The following NCOA2 variants were observed in gnomAD, a reference collection of about 807,000 sequenced individuals.
The protein encoded by NCOA2 is nuclear receptor coactivator 2.
Under a neutral mutation model 145.1 loss-of-function variants are expected in NCOA2, and 21 were observed. The ratio of observed to expected loss-of-function variants is 0.14; its 90% confidence interval spans 0.10 to 0.21. NCOA2 has a LOEUF of 0.21. Ranked by LOEUF, NCOA2 falls within the 10% of genes least tolerant of loss-of-function variation. The pLI, the probability that NCOA2 is intolerant of heterozygous loss-of-function variation, is 1.00. For synonymous variants in NCOA2, 619 were observed against 637.5 expected (o/e 0.97, Z 0.44); for missense variants, 1,472 against 1,837.6 (o/e 0.80, Z 3.64).
chr8:70,162,248 C>T (rs924703262), intron 9 of NCOA2, among the ~76,000 whole-genome samples: 3 of 152,152 alleles, frequency 2.0e-5, no homozygotes, highest in South Asian at 2.1e-4. Context: ...TGAGACAAGT[C>T]GTGTCAACTT....
intron 22 of NCOA2, among the ~76,000 whole-genome samples, chr8:70,114,907 C>A (rs1332701340): frequency 1.3e-5 from 2 of 152,140 alleles, no homozygotes; most frequent in Non-Finnish European, 2.9e-5. Context: ...ATTACATTAG[C>A]CCCTGATCAG....
chr8:70,168,934 C>G (rs1384550583), intron 6 of NCOA2, among the ~76,000 whole-genome samples: 2 of 152,246 alleles, frequency 1.3e-5, no homozygotes, highest in South Asian at 2.1e-4. Context: ...CATTTTGTAT[C>G]ACTGTTATAG....
chr8:70,160,696 A>AGAGAGAGAGG (rs1331894915), intron 9 of NCOA2, among the ~76,000 whole-genome samples: 28 of 138,444 alleles, frequency 2.0e-4, no homozygotes, highest in Middle Eastern at 8.4e-3. Flanking sequence ...AGAGAGAGAG[A>AGAGAGAGAGG]GAGAGACTGA....
chr8:70,178,680 A>G (rs916448158), intron 4 of NCOA2, among the ~76,000 whole-genome samples: 4 of 152,240 alleles, frequency 2.6e-5, no homozygotes, highest in Non-Finnish European at 5.9e-5. Flanking sequence ...ACATAGGGCT[A>G]AACAGCAAGC....
the NCOA2 span, among the ~76,000 whole-genome samples, chr8:70,425,219 A>G: frequency 2.0e-5 from 3 of 152,222 alleles, no homozygotes; most frequent in East Asian, 1.9e-4. Context: ...CATTCCAACC[A>G]TCTCTCTAAG....
intron 1 of NCOA2, among the ~76,000 whole-genome samples, chr8:70,381,547 A>T (rs1253024416): frequency 6.6e-6 from 1 of 152,216 alleles, no homozygotes; most frequent in African/African-American, 2.4e-5. Context: ...TTAATCATGG[A>T]AAAGTATGTT....
Position 70,157,016 on chromosome 8 carries a change from A to C in NCOA2, c.1349T>G (p.Val450Gly). Reference sequence around the variant, plus strand: ...AGGAGTGGTTGCTTGCATGCCTGACACATGGTTCATTCCCCCAGAACCACC... The same window carrying C: ...AGGAGTGGTTGCTTGCATGCCTGACCCATGGTTCATTCCCCCAGAACCACC... ...RFGGSGGMNH[V>G]SGMQATTPQG... Residue 450 changes from valine (V) to glycine (G), a missense_variant, in exon 11 of 23, where the codon GTG becomes GGG. By Grantham distance (109) the Val-to-Gly change is moderately radical. Coordinates refer to ENST00000452400, the MANE Select transcript of NCOA2 (RefSeq NM_006540.4). The C allele has an allele frequency of 6.2e-7, 1 of 1,614,022 alleles. No homozygotes were observed. The highest frequency in any genetic ancestry group is 8.5e-7 in the Non-Finnish European group (1 of 1,179,896).
intron 1 of NCOA2, 86 bp downstream of exon 1, chr8:70,403,614 T>G (rs1814595995): frequency 3.2e-6 from 1 of 316,692 alleles, no homozygotes; most frequent in Non-Finnish European, 5.5e-6. Flanking sequence ...GGAAGGGCAG[T>G]CGCGGCCGGG....
chr8:70,314,885 T>TA (rs60195405), intron 1 of NCOA2, among the ~76,000 whole-genome samples: 16,016 of 152,220 alleles, frequency 0.11, 1,285 homozygotes, highest in East Asian at 0.41. Flanking sequence ...TCATTGAACT[T>TA]ATTCATTTTA....
chr8:70,273,724 C>A, intron 2 of NCOA2: 1 of 620,490 alleles, frequency 1.6e-6, no homozygotes, highest in East Asian at 3.7e-5. Flanking sequence ...CTGGCTGAAG[C>A]ACTGTCCAAA....
chr8:70,314,640 C>G (rs1371774436), intron 1 of NCOA2, among the ~76,000 whole-genome samples: 1 of 152,034 alleles, frequency 6.6e-6, no homozygotes, highest in East Asian at 1.9e-4. Context: ...CATTCATTTC[C>G]TAAATGTAAA....
At chr8:70,434,387 A>C in the NCOA2 span, among the ~76,000 whole-genome samples, 1 of 152,212 alleles carries the variant, frequency 6.6e-6, no homozygotes, top group Non-Finnish European at 1.5e-5. Context: ...AGCAGACTGA[A>C]TCTACATCAT....
chr8:70,456,180 G>T, the NCOA2 span, among the ~76,000 whole-genome samples: 1 of 152,156 alleles, frequency 6.6e-6, no homozygotes, highest in African/African-American at 2.4e-5. Flanking sequence ...CTCAGTCTCT[G>T]CACCTATAAA....
intron 1 of NCOA2, among the ~76,000 whole-genome samples, chr8:70,321,717 T>C (rs1001338757): frequency 6.6e-6 from 1 of 151,502 alleles, no homozygotes; most frequent in Non-Finnish European, 1.5e-5. Flanking sequence ...ATGCTTTGCT[T>C]TTTTCCTTCA....
intron 4 of NCOA2, among the ~76,000 whole-genome samples, chr8:70,197,522 G>A (rs376562707): frequency 5.3e-5 from 8 of 152,234 alleles, no homozygotes; most frequent in Non-Finnish European, 2.9e-5. Context: ...GCCCCACAAC[G>A]ACAGGGACAG....
the NCOA2 span, among the ~76,000 whole-genome samples, chr8:70,430,810 C>T: frequency 6.6e-6 from 1 of 152,184 alleles, no homozygotes; most frequent in African/African-American, 2.4e-5. Context: ...ATTTTTCATA[C>T]TCCACAGCCT....
At chr8:70,251,251 C>T (rs1207788247) in intron 2 of NCOA2, among the ~76,000 whole-genome samples, 1 of 152,090 alleles carries the variant, frequency 6.6e-6, no homozygotes, top group Non-Finnish European at 1.5e-5. Context: ...CAATAAAAAG[C>T]TTATGCAAAC....
chr8:70,240,798 C>A (rs937939838), intron 2 of NCOA2, among the ~76,000 whole-genome samples: 7 of 152,134 alleles, frequency 4.6e-5, no homozygotes, highest in African/African-American at 1.4e-4. Context: ...CAGAGGCCTG[C>A]AGGAACCTAG....
intron 1 of NCOA2, among the ~76,000 whole-genome samples, chr8:70,403,271 A>G (rs924380612): frequency 6.6e-6 from 1 of 150,742 alleles, no homozygotes; most frequent in African/African-American, 2.4e-5. Context: ...GGGCTGGGCA[A>G]TGGGCACTCG....
Sources: gnomAD v4.1 joint callset for allele counts (sites outside exome capture counted in the v4.1 genomes callset) on GRCh38, gnomAD v4.1.1 for gene constraint, MANE v1.5 for transcripts, NCBI Gene and HGNC (gene_info 2026-07-23, HGNC 2026-07-21) for gene names.